MTMR12: variants seen among roughly 807,000 people sequenced by gnomAD.
MTMR12 encodes myotubularin-related protein 12.
Under a neutral mutation model 96.7 loss-of-function variants are expected in MTMR12, and 33 were observed. That is an observed-to-expected ratio of 0.34 (90% confidence interval 0.26 to 0.46). MTMR12 has a LOEUF of 0.46. Among genes scored for constraint, MTMR12 ranks in the 20% least tolerant of loss-of-function variants. MTMR12 has a pLI of 1.00. For synonymous variants in MTMR12, 298 were observed against 327.2 expected (o/e 0.91, Z 0.96); for missense variants, 721 against 896.1 (o/e 0.80, Z 2.49).
At chr5:32,260,958 C>A (rs1457945724) in intron 7 of MTMR12, among the ~76,000 whole-genome samples, 1 of 151,648 alleles carries the variant, frequency 6.6e-6, no homozygotes, top group Non-Finnish European at 1.5e-5. Context: ...GTCAGCCAGG[C>A]GCAGTGGCTC....
chr5:32,312,610 C>T lies in MTMR12; in HGVS notation c.81+148G>A. ...CCCGCGCGGAGGCCCCAGCGCGCTC[C>T]TGCGGCCTCAGCCCGCCTGGCTGCC... On this transcript the variant is annotated intron_variant, in intron 1 of 15. Coordinates refer to ENST00000382142, the MANE Select transcript of MTMR12 (RefSeq NM_001040446.3). The surrounding 1 kb of genome is among the most constrained non-coding windows in gnomAD (Gnocchi z 5.0). 2.9e-6 allele frequency: 2 copies of T among 684,498 alleles called. No individual in the cohort carries two copies. The highest frequency in any genetic ancestry group is 3.9e-6 in the Non-Finnish European group (2 of 508,388). The allele number at this position is 684,498 out of a possible 1,614,324, so 42.4% of individuals were successfully genotyped here.
intron 8 of MTMR12, 87 bp downstream of exon 8, chr5:32,255,606 C>A (rs1020959454): frequency 2.7e-5 from 34 of 1,267,368 alleles, no homozygotes; most frequent in Admixed American, 8.1e-5. Flanking sequence ...AACTCTAGAA[C>A]AAAAGCCAAG....
intron 1 of MTMR12, among the ~76,000 whole-genome samples, chr5:32,288,211 A>G (rs1211497616): frequency 6.6e-6 from 1 of 152,114 alleles, no homozygotes; most frequent in Non-Finnish European, 1.5e-5. Context: ...GTGTGGGAGG[A>G]CCCTGATGAA....
chr5:32,283,598 T>C lies in MTMR12; in HGVS notation c.82-6856A>G, dbSNP rs558591456. Among the ~76,000 whole-genome samples the C allele has an allele frequency of 2.0e-5, 3 of 152,140 alleles. No individual in the cohort carries two copies. In the South Asian group the frequency reaches 6.2e-4, roughly 32 times the overall value. ...TGCATTCTTATTCAATGCCACACTGTCATGTGGAAAGAAGGAATGAAAGGA... is the reference window on the plus strand; with the variant it reads ...TGCATTCTTATTCAATGCCACACTGCCATGTGGAAAGAAGGAATGAAAGGA... On this transcript the variant is annotated intron_variant, in intron 1 of 15. Transcript: ENST00000382142.
intron 1 of MTMR12, among the ~76,000 whole-genome samples, chr5:32,308,099 G>A (rs904366010): frequency 2.0e-5 from 3 of 152,270 alleles, no homozygotes; most frequent in Admixed American, 6.5e-5. Context: ...CAAGGTGGGC[G>A]GGTCACGAGG....
At chr5:32,282,841 A>G (rs1224404974) in intron 1 of MTMR12, among the ~76,000 whole-genome samples, 1 of 152,268 alleles carries the variant, frequency 6.6e-6, no homozygotes, top group East Asian at 1.9e-4. Context: ...CCTATATTTC[A>G]CAATCGCTTT....
intron 1 of MTMR12, among the ~76,000 whole-genome samples, chr5:32,283,691 G>A (rs565668792): frequency 1.6e-4 from 24 of 152,292 alleles, no homozygotes; most frequent in African/African-American, 4.3e-4. Context: ...AGGTAAAAGC[G>A]AGCAACACAA....
chr5:32,270,787 T>C (rs745432664), intron 5 of MTMR12, 30 bp downstream of exon 5: 8 of 1,575,428 alleles, frequency 5.1e-6, no homozygotes, highest in Non-Finnish European at 6.0e-6. Flanking sequence ...TGATGGGAAA[T>C]AAAACCTAAA....
chr5:32,247,964 C>T, intron 10 of MTMR12, 38 bp downstream of exon 10: 8 of 1,601,902 alleles, frequency 5.0e-6, no homozygotes, highest in Non-Finnish European at 6.8e-6. Flanking sequence ...TGTCTTTCCC[C>T]ATATAACACA....
intron 1 of MTMR12, among the ~76,000 whole-genome samples, chr5:32,306,265 TCA>T (rs1156888501): frequency 6.6e-6 from 1 of 152,164 alleles, no homozygotes; most frequent in South Asian, 2.1e-4. Context: ...CTTCTGAGTC[TCA>T]GTTTCCATAT....
At position 32,281,547 on chromosome 5, in the gene MTMR12, C is replaced by T. The variant is rs531398529; in HGVS notation, c.82-4805G>A. Among the ~76,000 whole-genome samples, 4 of 152,234 alleles carry T rather than the reference C, an allele frequency of 2.6e-5. No individual in the cohort carries two copies. The South Asian group carries it at 6.2e-4, about 24-fold the overall frequency. On this transcript the variant is annotated intron_variant, in intron 1 of 15. Transcript: ENST00000382142. ...TGGTCATTATGCATCTTATCTTTTG[C>T]AATAGAAAGCACTTTGAACCCTCTG... is the stretch of plus-strand genomic sequence containing the variant.
At chr5:32,237,362 A>G (rs748519347) in intron 13 of MTMR12, among the ~76,000 whole-genome samples, 37 of 152,124 alleles carry the variant, frequency 2.4e-4, no homozygotes, top group Admixed American at 8.5e-4. Flanking sequence ...TCACCAGGTG[A>G]CCTAAAATGC....
In MTMR12 at chr5:32,279,076, C is replaced by CAAAA. The variant is rs35999870; in HGVS notation, c.82-2338_82-2335dup. 8.7e-4 allele frequency among the ~76,000 whole-genome samples: 44 copies of CAAAA among 50,520 alleles called. 2 individuals carry two copies. Among genetic ancestry groups the CAAAA allele is most frequent in the Non-Finnish European group, 1.2e-3 (32 of 26,470 alleles). 33.1% of individuals were successfully genotyped at this position (50,520 alleles called of 152,430 possible). A position where few individuals can be genotyped will look rare whatever the true frequency, so the allele number is the denominator to read the frequency against. On this transcript the variant is annotated intron_variant, in intron 1 of 15. Coordinates refer to ENST00000382142, the MANE Select transcript of MTMR12 (RefSeq NM_001040446.3). ...GGGCAACAAGAGCGAAACTCTGTCT[C>CAAAA]AAAAAAAAAAAAAAAAAAAAAAAAA...
At chr5:32,311,670 G>A (rs761518666) in intron 1 of MTMR12, among the ~76,000 whole-genome samples, 2 of 152,210 alleles carry the variant, frequency 1.3e-5, no homozygotes, top group Non-Finnish European at 1.5e-5. Context: ...GAAGCCCTGA[G>A]CAAGGCCTAC....
intron 1 of MTMR12, among the ~76,000 whole-genome samples, chr5:32,308,653 T>C (rs1432061480): frequency 6.6e-6 from 1 of 151,998 alleles, no homozygotes; most frequent in Non-Finnish European, 1.5e-5. Flanking sequence ...CAGGCTGAAA[T>C]GCAGTGGCGT....
At chr5:32,268,508 T>TAA (rs72294899) in intron 6 of MTMR12, among the ~76,000 whole-genome samples, 193 bp downstream of exon 6, 64 of 136,226 alleles carry the variant, frequency 4.7e-4, no homozygotes, top group South Asian at 9.4e-4. Flanking sequence ...ACTCCATCTT[T>TAA]AAAAAAAAAA....
In MTMR12 at chr5:32,228,617, G is replaced by GTGAT. The variant is rs1554053464; in HGVS notation, c.*1160_*1161insATCA. 4.6e-5 allele frequency: 4 copies of GTGAT among 87,388 alleles called. No homozygotes were observed. The highest frequency in any genetic ancestry group is 7.7e-4 in the East Asian group (2 of 2,586). 5.4% of individuals were successfully genotyped at this position (87,388 alleles called of 1,614,324 possible). On this transcript the variant is annotated 3_prime_UTR_variant, in exon 16 of 16. Transcript: ENST00000382142. Reference sequence around the variant, plus strand: ...ATATATATATATATATCATATATATGATATATATATATCACATATATATCA... The same window carrying GTGAT: ...ATATATATATATATATCATATATATGTGATATATATATATATCACATATATATCA...
intron 10 of MTMR12, among the ~76,000 whole-genome samples, chr5:32,244,450 G>A (rs1748600070): frequency 6.6e-6 from 1 of 152,146 alleles, no homozygotes; most frequent in African/African-American, 2.4e-5. Flanking sequence ...AATTAGCTGG[G>A]GGTGGTGGCC....
rs1037685343 is a variant in MTMR12, at chr5:32,233,274, T to G, written c.1674+499A>C. Among the ~76,000 whole-genome samples, 2 of 152,088 alleles carry G rather than the reference T, an allele frequency of 1.3e-5. No homozygotes were observed. Among genetic ancestry groups the G allele is most frequent in the Admixed American group, 6.5e-5 (1 of 15,272 alleles). On this transcript the variant is annotated intron_variant, in intron 15 of 15. Transcript: ENST00000382142. This position sits in a 1 kb window ranked among gnomAD's most constrained non-coding sequence, Gnocchi z 5.0. ...CTCCAAGGGCAGAGCAGACTAAGGC[T>G]TCTTTTGTACTACAACAGTAGAGGG...
Sources: allele counts gnomAD v4.1 joint callset (sites outside exome capture counted in the v4.1 genomes callset), GRCh38; gene constraint gnomAD v4.1.1; non-coding constraint Gnocchi (gnomAD v3.1); transcripts MANE v1.5; gene names NCBI Gene and HGNC (gene_info 2026-07-23, HGNC 2026-07-21).